The following TRPA1 variants were observed in gnomAD, a reference collection of about 807,000 sequenced individuals.
TRPA1 encodes the protein ankyrin-like with transmembrane domains 1.
A neutral mutation model predicts 131.3 loss-of-function variants in TRPA1; 129 were observed. The observed-to-expected ratio is 0.98, with a 90% CI of 0.85 to 1.14. The LOEUF (loss-of-function observed/expected upper bound fraction) is 1.14, where lower values mean the gene tolerates loss of function less well. Among genes scored for constraint, TRPA1 ranks in the 50% most tolerant of loss-of-function variants. The pLI is 0.00. For synonymous variants in TRPA1, 441 were observed against 451.7 expected (o/e 0.98, Z 0.30); for missense variants, 1,304 against 1,354.2 (o/e 0.96, Z 0.58).
At chr8:72,056,460 CAGTA>C (rs1177709724) in intron 10 of TRPA1, 4 of 169,452 alleles carry the variant, frequency 2.4e-5, no homozygotes, top group Non-Finnish European at 5.1e-5. Flanking sequence ...GCTAGTCACT[CAGTA>C]AGTATTAGCT....
chr8:72,072,319 G>A (rs959736938), intron 1 of TRPA1, among the ~76,000 whole-genome samples: 1 of 152,108 alleles, frequency 6.6e-6, no homozygotes, highest in Non-Finnish European at 1.5e-5. Context: ...AAGTATTAAG[G>A]TATTTAATGT....
At chr8:72,058,987 G>C (rs1286935085) in intron 8 of TRPA1, among the ~76,000 whole-genome samples, 2 of 152,158 alleles carry the variant, frequency 1.3e-5, no homozygotes, top group African/African-American at 4.8e-5. Flanking sequence ...TGGCACTGAG[G>C]CATCTGGGAT....
Position 72,059,421 on chromosome 8 carries a change from TG to T in TRPA1, c.961del (p.His321ThrfsTer4). On this transcript the variant is annotated frameshift_variant, in exon 8 of 27. Transcript: ENST00000262209. LOFTEE classifies it high-confidence loss of function. ...AATTAAATAGTCTGCTAGCTCATGG[TG>T]ATCAAACAATGAAGCTCTGAAAAAA... ...TMLHRASLFD[H>X]HELADYLISV... is the part of the protein sequence containing the mutation. The T allele has an allele frequency of 6.3e-7, 1 of 1,585,876 alleles. No homozygotes were observed. Among genetic ancestry groups the T allele is most frequent in the Non-Finnish European group, 8.6e-7 (1 of 1,159,984 alleles).
intron 13 of TRPA1, 136 bp downstream of exon 13, chr8:72,053,617 T>C: frequency 1.4e-6 from 1 of 711,622 alleles, no homozygotes; most frequent in Non-Finnish European, 2.5e-6. Context: ...ACCTCAAGAA[T>C]CCACTTGCTA....
In TRPA1 at chr8:72,055,920, C is replaced by T. The variant is rs1805656814; in HGVS notation, c.1195-65G>A. On this transcript the variant is annotated intron_variant, in intron 10 of 26. Coordinates refer to ENST00000262209, the MANE Select transcript of TRPA1 (RefSeq NM_007332.3). ...TTATGCTAATATGATGGTTTTCAAACTATTCTGTAGGAAAATATTTTCCAA... is the reference window on the plus strand; with the variant it reads ...TTATGCTAATATGATGGTTTTCAAATTATTCTGTAGGAAAATATTTTCCAA... 4 of 1,545,470 alleles carry T rather than the reference C, an allele frequency of 2.6e-6. No homozygotes were observed. The South Asian group carries it at 4.5e-5, about 18-fold the overall frequency.
chr8:72,049,339 A>G (rs1050408856), intron 15 of TRPA1, among the ~76,000 whole-genome samples: 1 of 152,156 alleles, frequency 6.6e-6, no homozygotes, highest in African/African-American at 2.4e-5. Context: ...GAAAACAGAA[A>G]ATAATGCTCA....
chr8:72,050,943 G>C, intron 14 of TRPA1, 72 bp from the exon 15 acceptor site: 1 of 1,127,320 alleles, frequency 8.9e-7, no homozygotes, highest in African/African-American at 1.5e-5. Context: ...TGAAACTCAA[G>C]ATTATTTCTT....
chr8:72,046,606 G>T lies in TRPA1; in HGVS notation c.1968C>A (p.Ile656=). 6 of 1,543,326 alleles carry T rather than the reference G, an allele frequency of 3.9e-6. No individual in the cohort carries two copies. Among genetic ancestry groups the T allele is most frequent in the South Asian group, 3.4e-5 (3 of 87,432 alleles). The change falls in exon 17 of 27, where the codon ATC becomes ATA. Residue 656 remains isoleucine, a splice_region_variant and synonymous_variant. Transcript: ENST00000262209. ...TEDKSCRDYY[I]EYNFKYLQCP... is the part of the protein sequence containing the mutation. ...ATTGAAGATATTTGAAATTATACTC[G>T]ATCTGTAGAAGACAGAATTTTTTTT...
Position 72,038,884 on chromosome 8 carries a change from G to A in TRPA1, c.2276C>T (p.Ser759Leu). The change falls in exon 19 of 27, where the codon TCA (serine) becomes TTA (leucine). Residue 759 changes from serine (S) to leucine (L), a missense_variant. Ser to Leu is a moderately radical substitution (Grantham distance 145). Coordinates refer to ENST00000262209, the MANE Select transcript of TRPA1 (RefSeq NM_007332.3). ...AATTACCGTGGTATCTAGTATTTCTGAATGATCACTAGTTTCATTGATGAT... is the reference window on the plus strand; with the variant it reads ...AATTACCGTGGTATCTAGTATTTCTAAATGATCACTAGTTTCATTGATGAT... ...TGIINETSDH[S>L]EILDTTNSYL... is the part of the protein sequence containing the mutation. 1 of 1,611,950 alleles carries A rather than the reference G, an allele frequency of 6.2e-7. No homozygotes were observed. Among genetic ancestry groups the A allele is most frequent in the Admixed American group, 1.7e-5 (1 of 59,882 alleles).
chr8:72,075,494 G>T lies in TRPA1; in HGVS notation c.-85C>A. The T allele has an allele frequency of 8.6e-7, 1 of 1,166,724 alleles. No homozygotes were observed. Among genetic ancestry groups the T allele is most frequent in the Non-Finnish European group, 1.3e-6 (1 of 787,296 alleles). The allele number at this position is 1,166,724 out of a possible 1,614,324, so 72.3% of individuals were successfully genotyped here. A position where few individuals can be genotyped will look rare whatever the true frequency, so the allele number is the denominator to read the frequency against. On this transcript the variant is annotated 5_prime_UTR_variant, in exon 1 of 27. Coordinates refer to ENST00000262209, the MANE Select transcript of TRPA1 (RefSeq NM_007332.3). ...CGAGAGAGCGCTGTCAGCCTGCCAG[G>T]CGCTGGGGTCCGCGCGAGCCCGAGC...
At chr8:72,032,378 A>G (rs1168456673) in intron 23 of TRPA1, among the ~76,000 whole-genome samples, 1 of 152,230 alleles carries the variant, frequency 6.6e-6, no homozygotes, top group Admixed American at 6.5e-5. Context: ...AGTCCAAGCC[A>G]ACCGGAAGCA....
At chr8:72,055,153 G>T (rs186535294) in intron 12 of TRPA1, 5 of 392,238 alleles carry the variant, frequency 1.3e-5, no homozygotes, top group Admixed American at 4.4e-5. Context: ...TTCAAAGAAA[G>T]GTTCTGAGAA....
intron 20 of TRPA1, 72 bp from the exon 21 acceptor site, chr8:72,036,529 C>G: frequency 1.4e-6 from 2 of 1,384,950 alleles, no homozygotes; most frequent in Non-Finnish European, 2.0e-6. Context: ...ATACATGCAC[C>G]CCGTAATACA....
chr8:72,089,025 C>T, the TRPA1 span, among the ~76,000 whole-genome samples: 2 of 152,174 alleles, frequency 1.3e-5, no homozygotes, highest in East Asian at 1.9e-4. Flanking sequence ...ATTTGTTTTA[C>T]AGCAAATCGT....
chr8:72,024,667 G>C (rs1811519966), intron 25 of TRPA1, among the ~76,000 whole-genome samples: 1 of 152,132 alleles, frequency 6.6e-6, no homozygotes, highest in African/African-American at 2.4e-5. Context: ...ATTGAAGTTT[G>C]GTTTTGAACC....
chr8:72,035,077 G>A (rs12545839), intron 21 of TRPA1, among the ~76,000 whole-genome samples: 16,555 of 152,050 alleles, frequency 0.11, 1,139 homozygotes, highest in Admixed American at 0.23. Flanking sequence ...CATCTCCTTC[G>A]GTTTTCTTTT....
At chr8:72,086,389 C>T in the TRPA1 span, among the ~76,000 whole-genome samples, 9 of 152,234 alleles carry the variant, frequency 5.9e-5, no homozygotes, top group South Asian at 6.2e-4. Context: ...TTCTTTGTCT[C>T]GTATTCAAAT....
At chr8:72,078,113 A>G (rs1161931032), upstream of TRPA1, among the ~76,000 whole-genome samples, 2 of 151,774 alleles carry the variant, frequency 1.3e-5, no homozygotes, top group Non-Finnish European at 2.9e-5. Context: ...ATTCTCCTTA[A>G]TTATTTTGTT....
intron 3 of TRPA1, among the ~76,000 whole-genome samples, chr8:72,068,701 T>G (rs1805986466): frequency 6.6e-6 from 1 of 152,208 alleles, no homozygotes; most frequent in Admixed American, 6.5e-5. Context: ...CAAATTCTTT[T>G]GGCACCTCAG....
Sources: gnomAD v4.1 joint callset for allele counts (sites outside exome capture counted in the v4.1 genomes callset) on GRCh38, gnomAD v4.1.1 for gene constraint, MANE v1.5 for transcripts, NCBI Gene and HGNC (gene_info 2026-07-23, HGNC 2026-07-21) for gene names.